SORCS3: variants seen among roughly 807,000 people sequenced by gnomAD.
SORCS3 encodes VPS10 domain-containing receptor SorCS3.
SORCS3 carries 57 observed loss-of-function variants against 146.3 expected under a neutral mutation model. That is an observed-to-expected ratio of 0.39 (90% CI 0.31 to 0.49). SORCS3 has a LOEUF of 0.49. Ranked by LOEUF, SORCS3 falls within the 20% of genes least tolerant of loss-of-function variation. The pLI, the probability that SORCS3 is intolerant of heterozygous loss-of-function variation, is 0.92. For synonymous variants in SORCS3, 653 were observed against 618.5 expected, an observed-to-expected ratio of 1.06 and a Z score of -0.83; for missense variants, 1,341 against 1,575.5, an observed-to-expected ratio of 0.85 and a Z score of 2.52.
chr10:105,253,716 C>T (rs1333986941), intron 23 of SORCS3, among the ~76,000 whole-genome samples: 2 of 152,166 alleles, frequency 1.3e-5, no homozygotes, highest in East Asian at 3.9e-4. Context: ...TATTTTGTGT[C>T]CCTGTGATAC....
intron 25 of SORCS3, among the ~76,000 whole-genome samples, chr10:105,259,700 A>G (rs1343287674): frequency 6.6e-6 from 1 of 152,192 alleles, no homozygotes; most frequent in Non-Finnish European, 1.5e-5. Context: ...CCAGGAAAAC[A>G]TTTGAGCTTC....
chr10:104,781,403 G>A (rs1397392531), intron 1 of SORCS3, among the ~76,000 whole-genome samples: 1 of 152,190 alleles, frequency 6.6e-6, no homozygotes, highest in Non-Finnish European at 1.5e-5. Flanking sequence ...TGGTTTCAAA[G>A]TCTTTTCACA....
intron 14 of SORCS3, among the ~76,000 whole-genome samples, chr10:105,195,518 T>G (rs1489811158): frequency 1.3e-5 from 2 of 152,212 alleles, no homozygotes; most frequent in African/African-American, 4.8e-5. Context: ...ATATTTGAAT[T>G]TGAATTAGTT....
chr10:104,826,982 T>TAA (rs1257684416), intron 1 of SORCS3, among the ~76,000 whole-genome samples: 6 of 152,228 alleles, frequency 3.9e-5, no homozygotes, highest in African/African-American at 1.4e-4. Flanking sequence ...CTCATCTGTT[T>TAA]AAGTTTAATC....
At chr10:104,780,183 T>G (rs1165793818) in intron 1 of SORCS3, among the ~76,000 whole-genome samples, 3 of 151,532 alleles carry the variant, frequency 2.0e-5, no homozygotes, top group Non-Finnish European at 4.4e-5. Flanking sequence ...TGGCAGAGTA[T>G]TTTTGGCTTC....
chr10:104,989,513 T>G (rs2054981878), intron 4 of SORCS3, among the ~76,000 whole-genome samples: 1 of 152,172 alleles, frequency 6.6e-6, no homozygotes, highest in South Asian at 2.1e-4. Flanking sequence ...GTCTGGAATT[T>G]TTCTTTTGTA....
chr10:105,188,741 C>T (rs1173592193), intron 14 of SORCS3, among the ~76,000 whole-genome samples: 1 of 152,124 alleles, frequency 6.6e-6, no homozygotes, highest in East Asian at 1.9e-4. Context: ...TTGCCTGTGA[C>T]CTTTTGTGAA....
intron 18 of SORCS3, among the ~76,000 whole-genome samples, chr10:105,215,331 T>C (rs2056658778): frequency 6.6e-6 from 1 of 152,206 alleles, no homozygotes; most frequent in East Asian, 1.9e-4. Context: ...GCTTGCTTGA[T>C]TGACACAGCC....
At chr10:105,071,485 A>G (rs1030053080) in intron 5 of SORCS3, among the ~76,000 whole-genome samples, 2 of 152,244 alleles carry the variant, frequency 1.3e-5, no homozygotes, top group Non-Finnish European at 2.9e-5. Flanking sequence ...CATTGCTGAC[A>G]TCAATTAAAT....
chr10:104,989,136 TATATC>T (rs2054979611), intron 4 of SORCS3, among the ~76,000 whole-genome samples: 1 of 152,224 alleles, frequency 6.6e-6, no homozygotes, highest in African/African-American at 2.4e-5. Context: ...TGCCGTATAA[TATATC>T]ATTCATTAAA....
At chr10:104,792,316 T>A (rs1221388209) in intron 1 of SORCS3, among the ~76,000 whole-genome samples, 1 of 152,182 alleles carries the variant, frequency 6.6e-6, no homozygotes. Context: ...GTGGAAGATC[T>A]GTAGTAGGGC....
chr10:104,811,440 C>G (rs1013623953), intron 1 of SORCS3, among the ~76,000 whole-genome samples: 2 of 152,188 alleles, frequency 1.3e-5, no homozygotes, highest in African/African-American at 4.8e-5. Flanking sequence ...TCACAGTTGC[C>G]TGGTGAGGCA....
chr10:104,795,597 G>GTT (rs2017545384), intron 1 of SORCS3, among the ~76,000 whole-genome samples: 1 of 152,244 alleles, frequency 6.6e-6, no homozygotes, highest in Non-Finnish European at 1.5e-5. Context: ...GGTACAACAT[G>GTT]GTGTAGAATG....
chr10:105,156,310 T>C (rs971397353), intron 9 of SORCS3, among the ~76,000 whole-genome samples: 3 of 152,252 alleles, frequency 2.0e-5, no homozygotes, highest in Admixed American at 2.0e-4. Flanking sequence ...TCATTATAAG[T>C]ATCTGCTTTC....
chr10:104,821,123 C>T (rs1055554177), intron 1 of SORCS3, among the ~76,000 whole-genome samples: 3 of 152,182 alleles, frequency 2.0e-5, no homozygotes, highest in East Asian at 1.9e-4. Context: ...GCTGCATCTT[C>T]GGGTTCCACA....
At chr10:105,089,717 C>A in intron 5 of SORCS3, 58 bp from the exon 6 acceptor site, 2 of 1,431,246 alleles carry the variant, frequency 1.4e-6, no homozygotes, top group South Asian at 2.3e-5. Context: ...GTGCATCCCA[C>A]TTTGCTGTCT....
intron 7 of SORCS3, among the ~76,000 whole-genome samples, chr10:105,109,911 T>C (rs989375651): frequency 6.6e-6 from 1 of 152,084 alleles, no homozygotes; most frequent in Non-Finnish European, 1.5e-5. Flanking sequence ...ATAGATTGAA[T>C]TTTTTCTTTA....
intron 1 of SORCS3, among the ~76,000 whole-genome samples, chr10:104,838,340 T>C (rs745536162): frequency 6.6e-6 from 1 of 152,090 alleles, no homozygotes; most frequent in Non-Finnish European, 1.5e-5. Context: ...GTTTATTGCA[T>C]CTACTTTCAA....
intron 5 of SORCS3, among the ~76,000 whole-genome samples, chr10:105,072,221 A>C (rs1331773716): frequency 6.6e-6 from 1 of 152,156 alleles, no homozygotes; most frequent in Non-Finnish European, 1.5e-5. Flanking sequence ...TCTAATTAGA[A>C]GCTAAGGAGT....
Sources: allele counts gnomAD v4.1 joint callset (sites outside exome capture counted in the v4.1 genomes callset), GRCh38; gene constraint gnomAD v4.1.1; transcripts MANE v1.5; gene names NCBI Gene and HGNC (gene_info 2026-07-23, HGNC 2026-07-21).